The following LIPK variants were observed in gnomAD, a reference collection of about 807,000 sequenced individuals.
LIPK encodes lipase member K.
Under a neutral mutation model 48.6 loss-of-function variants are expected in LIPK, and 32 were observed. The observed-to-expected ratio is 0.66, with a 90% CI of 0.50 to 0.88. The LOEUF (loss-of-function observed/expected upper bound fraction) is 0.88. Among genes scored for constraint, LIPK ranks in the 40% least tolerant of loss-of-function variants. LIPK has a pLI of 0.00. For missense variants in LIPK, 507 were observed against 478.5 expected, an observed-to-expected ratio of 1.06 and a Z score of -0.56; for synonymous variants, 164 against 157.4, an observed-to-expected ratio of 1.04 and a Z score of -0.32.
At chr10:88,728,407 G>A in intron 3 of LIPK, 1 of 197,232 alleles carries the variant, frequency 5.1e-6, no homozygotes, top group South Asian at 7.5e-5. Flanking sequence ...GTCGCAGGAA[G>A]AGGATCTTCC....
In LIPK at chr10:88,730,491, T is replaced by C. The variant is rs373024843; in HGVS notation, c.224-492T>C. On this transcript the variant is annotated intron_variant, in intron 3 of 9. Coordinates refer to ENST00000404190, the MANE Select transcript of LIPK (RefSeq NM_001080518.2). ...TTTTTTAGTAGAGATGGGGTTTCAC[T>C]GTGTTAGCCAGGATGGCCTCGATCT... is the stretch of plus-strand genomic sequence containing the variant. Among the ~76,000 whole-genome samples, 57 of 152,158 alleles carry C rather than the reference T, an allele frequency of 3.7e-4. 1 individual carries two copies. The East Asian group carries it at 0.011, about 28-fold the overall frequency.
At chr10:88,725,183 T>C (rs1842311828) in intron 2 of LIPK, among the ~76,000 whole-genome samples, 1 of 152,228 alleles carries the variant, frequency 6.6e-6, no homozygotes, top group African/African-American at 2.4e-5. Flanking sequence ...CGGCGCACAA[T>C]TGCTGTCCTG....
At chr10:88,713,051 C>T (rs952813752) in intron 1 of LIPK, among the ~76,000 whole-genome samples, 1 of 152,156 alleles carries the variant, frequency 6.6e-6, no homozygotes, top group Non-Finnish European at 1.5e-5. Context: ...ACATGGGATA[C>T]TCCATCATCA....
At chr10:88,743,880 C>T (rs1367858115) in intron 9 of LIPK, among the ~76,000 whole-genome samples, 1 of 152,190 alleles carries the variant, frequency 6.6e-6, no homozygotes, top group Non-Finnish European at 1.5e-5. Context: ...ACCTGTAGGA[C>T]ACCCCACAAC....
chr10:88,714,824 T>G (rs1842087697), intron 1 of LIPK, among the ~76,000 whole-genome samples: 1 of 152,054 alleles, frequency 6.6e-6, no homozygotes, highest in African/African-American at 2.4e-5. Context: ...AAGGACCAAC[T>G]TTTGGCTTTA....
At chr10:88,720,848 TGTA>T (rs1440551570) in intron 1 of LIPK, among the ~76,000 whole-genome samples, 1 of 152,022 alleles carries the variant, frequency 6.6e-6, no homozygotes, top group African/African-American at 2.4e-5. Context: ...AGTCATGTTT[TGTA>T]GGATGGCAAT....
In LIPK at chr10:88,710,668, G is replaced by C. The variant is rs937286298; in HGVS notation, c.-12+4348G>C. The stretch of plus-strand genomic sequence containing the variant: ...ATTTATCCAGGCTGTTGAATGTGTC[G>C]ATGAGTAGTAAGCATTCCATTACAT... On this transcript the variant is annotated intron_variant, in intron 1 of 9. Transcript: ENST00000404190. Among the ~76,000 whole-genome samples, 10 of 152,192 alleles carry C rather than the reference G, an allele frequency of 6.6e-5. No individual in the cohort carries two copies. The East Asian group carries it at 1.9e-3, about 29-fold the overall frequency.
chr10:88,733,744 T>C (rs1842515026), intron 6 of LIPK, among the ~76,000 whole-genome samples: 1 of 152,218 alleles, frequency 6.6e-6, no homozygotes, highest in Non-Finnish European at 1.5e-5. Flanking sequence ...CACAGCTCTC[T>C]TCAAACTTCT....
chr10:88,740,148 G>T, intron 8 of LIPK, 81 bp downstream of exon 8: 2 of 951,992 alleles, frequency 2.1e-6, no homozygotes, highest in South Asian at 3.8e-5. Flanking sequence ...CTCACTGCAG[G>T]GTTCTGCTGG....
chr10:88,728,601 A>G (rs1033258460), intron 3 of LIPK: 11 of 476,002 alleles, frequency 2.3e-5, no homozygotes, highest in African/African-American at 1.4e-4. Flanking sequence ...GGAGCTGATG[A>G]ATGTCAAGCT....
chr10:88,719,000 G>T (rs1323045267), intron 1 of LIPK, among the ~76,000 whole-genome samples: 1 of 152,072 alleles, frequency 6.6e-6, no homozygotes, highest in Non-Finnish European at 1.5e-5. Context: ...AGACACAGAA[G>T]ATTTAAAAAG....
intron 1 of LIPK, among the ~76,000 whole-genome samples, chr10:88,710,244 G>T (rs1842004657): frequency 6.6e-6 from 1 of 152,026 alleles, no homozygotes. Context: ...CCCTCTCCAA[G>T]TTGAGAATTT....
At chr10:88,741,816 T>C (rs140577072) in intron 8 of LIPK, among the ~76,000 whole-genome samples, 2 of 152,332 alleles carry the variant, frequency 1.3e-5, no homozygotes, top group South Asian at 4.1e-4. Context: ...TTCACAAATA[T>C]CTTGCCTTGA....
At chr10:88,740,371 AACTTT>A (rs1842656990) in intron 8 of LIPK, among the ~76,000 whole-genome samples, 1 of 152,212 alleles carries the variant, frequency 6.6e-6, no homozygotes, top group African/African-American at 2.4e-5. Flanking sequence ...GCTCTAATAG[AACTTT>A]ATATAAAATG....
chr10:88,728,957 C>T lies in LIPK; in HGVS notation c.224-2026C>T, dbSNP rs548163561. On this transcript the variant is annotated intron_variant, in intron 3 of 9. Coordinates refer to ENST00000404190, the MANE Select transcript of LIPK (RefSeq NM_001080518.2). ...ACTTCTTAGCTTACCCTTCCTGTGG[C>T]TGTCCCACATCCTGCTGGGGAGGCA... is the stretch of plus-strand genomic sequence containing the variant. The T allele has an allele frequency of 9.1e-4, 149 of 163,690 alleles. 1 individual carries two copies. The highest frequency in any genetic ancestry group is 1.7e-3 in the Non-Finnish European group (129 of 75,436). The allele number at this position is 163,690 out of a possible 1,614,324, so 10.1% of individuals were successfully genotyped here.
intron 1 of LIPK, among the ~76,000 whole-genome samples, chr10:88,718,271 C>T (rs1231956186): frequency 1.3e-5 from 2 of 148,682 alleles, no homozygotes; most frequent in Admixed American, 6.7e-5. Flanking sequence ...TATATACATA[C>T]ATATTATTTA....
intron 2 of LIPK, 77 bp downstream of exon 2, chr10:88,724,725 C>G (rs1467749599): frequency 4.0e-6 from 4 of 1,010,698 alleles, no homozygotes; most frequent in African/African-American, 1.7e-5. Flanking sequence ...AACTGGTGTG[C>G]CTTCTTAGTT....
At chr10:88,749,884 A>G (rs1262189456) in intron 9 of LIPK, among the ~76,000 whole-genome samples, 1 of 152,210 alleles carries the variant, frequency 6.6e-6, no homozygotes. Flanking sequence ...AGAATAAGAG[A>G]AAACATTTTC....
intron 9 of LIPK, among the ~76,000 whole-genome samples, chr10:88,748,747 A>G (rs1404890196): frequency 1.3e-5 from 2 of 152,196 alleles, no homozygotes; most frequent in Non-Finnish European, 2.9e-5. Flanking sequence ...AAGAATGTCC[A>G]CTGTCACCAC....
Sources: gnomAD v4.1 joint callset for allele counts (sites outside exome capture counted in the v4.1 genomes callset) on GRCh38, gnomAD v4.1.1 for gene constraint, MANE v1.5 for transcripts, NCBI Gene and HGNC (gene_info 2026-07-23, HGNC 2026-07-21) for gene names.